ERC2: variants seen among roughly 807,000 people sequenced by gnomAD.
The protein encoded by ERC2 is ELKS/RAB6-interacting/CAST family member 2.
In ERC2, 42 loss-of-function variants were observed where a neutral mutation model predicts 114.8. That is an observed-to-expected ratio of 0.37 (90% CI 0.29 to 0.47). The LOEUF is 0.47. ERC2 is among the 20% of genes least tolerant of loss of function. The pLI, the probability that ERC2 is intolerant of heterozygous loss-of-function variation, is 0.99. For synonymous variants in ERC2, 454 were observed against 425.5 expected, an observed-to-expected ratio of 1.07 and a Z score of -0.82; for missense variants, 939 against 1,150.7, an observed-to-expected ratio of 0.82 and a Z score of 2.66.
At chr3:56,217,381 C>T (rs1413659100) in intron 3 of ERC2, among the ~76,000 whole-genome samples, 1 of 152,144 alleles carries the variant, frequency 6.6e-6, no homozygotes, top group South Asian at 2.1e-4. Context: ...GAGTGAACTC[C>T]CATTCACAAT....
intron 2 of ERC2, among the ~76,000 whole-genome samples, chr3:56,379,295 T>C (rs953272455): frequency 1.3e-5 from 2 of 152,112 alleles, no homozygotes; most frequent in African/African-American, 4.8e-5. Context: ...TTATTACTTA[T>C]GAAGATAGCT....
At chr3:56,254,743 C>T (rs2052404431) in intron 3 of ERC2, among the ~76,000 whole-genome samples, 2 of 152,150 alleles carry the variant, frequency 1.3e-5, no homozygotes, top group Non-Finnish European at 2.9e-5. Context: ...TTTTCCTGAG[C>T]CTCAGTTTCC....
At chr3:56,272,267 C>T (rs1397188200) in intron 3 of ERC2, among the ~76,000 whole-genome samples, 1 of 152,118 alleles carries the variant, frequency 6.6e-6, no homozygotes, top group Non-Finnish European at 1.5e-5. Context: ...ATCACTTGAA[C>T]AAAAAAAGTA....
At chr3:56,109,367 G>T (rs1400239255) in intron 6 of ERC2, among the ~76,000 whole-genome samples, 2 of 152,056 alleles carry the variant, frequency 1.3e-5, no homozygotes, top group Non-Finnish European at 2.9e-5. Flanking sequence ...CTTTTTTATG[G>T]CTGCATAGTA....
chr3:55,824,522 A>G lies in ERC2; in HGVS notation c.2564+63867T>C, dbSNP rs1247235887. ...TTAAAGCAGTTAGTTGACTCCAACT[A>G]ATATACAGGGCAAAGCATTTTTTGA... is the stretch of plus-strand genomic sequence containing the variant. On this transcript the variant is annotated intron_variant, in intron 14 of 17. Coordinates refer to ENST00000288221, the MANE Select transcript of ERC2 (RefSeq NM_015576.3). Among the ~76,000 whole-genome samples the G allele has an allele frequency of 2.6e-5, 4 of 152,354 alleles. No homozygotes were observed. In the East Asian group the frequency reaches 7.7e-4, roughly 29 times the overall value.
intron 2 of ERC2, among the ~76,000 whole-genome samples, chr3:56,392,461 A>G (rs1026522312): frequency 4.6e-5 from 7 of 152,142 alleles, no homozygotes; most frequent in African/African-American, 1.7e-4. Flanking sequence ...ACGGTGACTC[A>G]AATATATCTG....
intron 16 of ERC2, among the ~76,000 whole-genome samples, chr3:55,689,583 T>C (rs940758526): frequency 9.2e-5 from 14 of 152,126 alleles, no homozygotes; most frequent in African/African-American, 3.4e-4. Flanking sequence ...AAAGTGAAAA[T>C]TGTGTTTTTA....
At chr3:56,063,102 A>G (rs1055654481) in intron 7 of ERC2, among the ~76,000 whole-genome samples, 4 of 152,212 alleles carry the variant, frequency 2.6e-5, no homozygotes, top group Non-Finnish European at 4.4e-5. Context: ...TAAGTCAAAG[A>G]AGCCAGACAC....
At chr3:56,011,417 AC>A (rs2072924824) in intron 8 of ERC2, among the ~76,000 whole-genome samples, 2 of 152,082 alleles carry the variant, frequency 1.3e-5, no homozygotes, top group Admixed American at 1.3e-4. Context: ...CAGGTCATAA[AC>A]AGAACGCCTC....
intron 6 of ERC2, among the ~76,000 whole-genome samples, chr3:56,102,236 C>A (rs1278642136): frequency 6.6e-6 from 1 of 152,148 alleles, no homozygotes; most frequent in African/African-American, 2.4e-5. Context: ...CACACCTCAT[C>A]CCATCCCCAG....
chr3:55,940,409 G>A (rs1023675937), intron 13 of ERC2, among the ~76,000 whole-genome samples: 8 of 152,050 alleles, frequency 5.3e-5, no homozygotes, highest in African/African-American at 1.9e-4. Flanking sequence ...CCCCACGGAT[G>A]ACCTGAGGTC....
Position 56,397,835 on chromosome 3 carries a change from A to C in ERC2, c.657+36516T>G, listed in dbSNP as rs186081490. ...AATGCCCATGTCTTGTTACTCCGCC[A>C]TGCATGGCCTCATTCCCAAGTTCAC... On this transcript the variant is annotated intron_variant, in intron 2 of 17. Transcript: ENST00000288221. Among the ~76,000 whole-genome samples the C allele has an allele frequency of 1.4e-4, 22 of 152,348 alleles. No individual in the cohort carries two copies. In the East Asian group the frequency reaches 4.2e-3, roughly 29 times the overall value.
intron 12 of ERC2, among the ~76,000 whole-genome samples, chr3:55,975,537 T>C (rs2069515294): frequency 6.6e-6 from 1 of 152,200 alleles, no homozygotes; most frequent in South Asian, 2.1e-4. Flanking sequence ...TTTTGTCTTT[T>C]AAAAAAATTT....
chr3:56,358,416 C>A (rs1478598603), intron 2 of ERC2, among the ~76,000 whole-genome samples: 1 of 152,258 alleles, frequency 6.6e-6, no homozygotes, highest in Admixed American at 6.5e-5. Flanking sequence ...GGCACTATGA[C>A]ATAATTATGT....
At chr3:56,378,699 T>C (rs78225140) in intron 2 of ERC2, among the ~76,000 whole-genome samples, 3,570 of 152,318 alleles carry the variant, frequency 0.023, 41 homozygotes, top group South Asian at 0.071. Flanking sequence ...ATCATTCATA[T>C]GTCCCAAGTT....
In ERC2 at chr3:55,993,676, T is replaced by TAC. The variant is rs1422574780; in HGVS notation, c.2062-1428_2062-1427dup. Among the ~76,000 whole-genome samples, 3 of 145,466 alleles carry TAC rather than the reference T, an allele frequency of 2.1e-5. No homozygotes were observed. In the Admixed American group the frequency reaches 2.1e-4, roughly 10 times the overall value. ...TCCTTATTTAAGAAATAAACTCAAT[T>TAC]ACACAAAAAAAAAACAAGAAAAATA... is the stretch of plus-strand genomic sequence containing the variant. On this transcript the variant is annotated intron_variant, in intron 10 of 17. Coordinates refer to ENST00000288221, the MANE Select transcript of ERC2 (RefSeq NM_015576.3).
chr3:56,074,345 C>T (rs1416989858), intron 7 of ERC2, among the ~76,000 whole-genome samples: 1 of 152,104 alleles, frequency 6.6e-6, no homozygotes, highest in East Asian at 1.9e-4. Context: ...GGATGCAAAT[C>T]ATTTAGTGCA....
intron 2 of ERC2, among the ~76,000 whole-genome samples, chr3:56,399,475 C>T (rs1046531015): frequency 6.6e-6 from 1 of 152,146 alleles, no homozygotes; most frequent in Non-Finnish European, 1.5e-5. Context: ...TCAATTACAT[C>T]AATAAATTAT....
chr3:56,393,062 C>T (rs1203204142), intron 2 of ERC2, among the ~76,000 whole-genome samples: 2 of 152,194 alleles, frequency 1.3e-5, no homozygotes, highest in Non-Finnish European at 2.9e-5. Context: ...TCCCACCCTT[C>T]CCCATCTCAT....
Sources: allele counts gnomAD v4.1 joint callset (sites outside exome capture counted in the v4.1 genomes callset), GRCh38; gene constraint gnomAD v4.1.1; transcripts MANE v1.5; gene names NCBI Gene and HGNC (gene_info 2026-07-23, HGNC 2026-07-21).